The following EXOC6B variants were observed in gnomAD, a reference collection of about 807,000 sequenced individuals.
EXOC6B encodes SEC15 homolog B.
EXOC6B carries 54 observed loss-of-function variants against 113.5 expected under a neutral mutation model. That is an observed-to-expected ratio of 0.48 (90% CI 0.38 to 0.60). EXOC6B has a LOEUF of 0.60. Ranked by LOEUF, EXOC6B falls within the 20% of genes least tolerant of loss-of-function variation. The probability of loss-of-function intolerance (pLI) is 0.00; values close to 1 mark genes in which losing one functional copy is unlikely to be tolerated. For missense variants in EXOC6B, 797 were observed against 977.5 expected (o/e 0.82, Z 2.46); for synonymous variants, 357 against 339.0 (o/e 1.05, Z -0.58).
chr2:72,720,504 T>A (rs998689003), intron 5 of EXOC6B, among the ~76,000 whole-genome samples: 1 of 152,046 alleles, frequency 6.6e-6, no homozygotes, highest in African/African-American at 2.4e-5. Context: ...TGCCAACACT[T>A]TGGGAGGTCA....
intron 17 of EXOC6B, among the ~76,000 whole-genome samples, chr2:72,474,616 T>C (rs1698622470): frequency 6.6e-6 from 1 of 152,110 alleles, no homozygotes. Flanking sequence ...GGTTATATTT[T>C]TGGTATCAAT....
chr2:72,601,122 G>GTA (rs1177883658), intron 6 of EXOC6B, among the ~76,000 whole-genome samples: 6 of 99,298 alleles, frequency 6.0e-5, no homozygotes, highest in African/African-American at 2.4e-4. Context: ...ATGTGTGTGT[G>GTA]TATGTGTGTG....
intron 8 of EXOC6B, among the ~76,000 whole-genome samples, chr2:72,557,788 T>C (rs930067055): frequency 6.6e-6 from 1 of 152,108 alleles, no homozygotes; most frequent in African/African-American, 2.4e-5. Context: ...AACCTTCACA[T>C]GTATCCCCAA....
intron 1 of EXOC6B, among the ~76,000 whole-genome samples, chr2:72,811,845 C>G (rs1186403151): frequency 5.9e-5 from 9 of 152,064 alleles, no homozygotes; most frequent in African/African-American, 2.4e-5. Context: ...TAACAAAATT[C>G]ACTCTTTCAC....
intron 2 of EXOC6B, among the ~76,000 whole-genome samples, chr2:72,738,302 T>C (rs555519154): frequency 6.6e-6 from 1 of 152,312 alleles, no homozygotes; most frequent in East Asian, 1.9e-4. Flanking sequence ...TATGAGTGAC[T>C]AGAACTACCA....
At chr2:72,734,253 G>T (rs999044625) in intron 2 of EXOC6B, among the ~76,000 whole-genome samples, 1 of 152,130 alleles carries the variant, frequency 6.6e-6, no homozygotes. Context: ...AAGCCAAAAT[G>T]AAATCTGAAC....
chr2:72,750,230 T>TGTA (rs1681956551), intron 1 of EXOC6B, among the ~76,000 whole-genome samples: 1 of 151,948 alleles, frequency 6.6e-6, no homozygotes, highest in African/African-American at 2.4e-5. Flanking sequence ...CTATAAGCAA[T>TGTA]TAAGTACATG....
intron 20 of EXOC6B, among the ~76,000 whole-genome samples, chr2:72,290,087 T>C (rs1179283265): frequency 1.3e-5 from 2 of 152,168 alleles, no homozygotes; most frequent in Admixed American, 6.5e-5. Context: ...TGCTGGCATT[T>C]GGACTAGAAC....
Position 72,586,657 on chromosome 2 carries a change from C to A in EXOC6B, c.670-10989G>T, listed in dbSNP as rs192642924. Among the ~76,000 whole-genome samples the A allele has an allele frequency of 3.1e-3, 466 of 152,082 alleles. 8 individuals carry two copies. Among genetic ancestry groups the A allele is most frequent in the African/African-American group, 0.011 (444 of 41,446 alleles). ...ATCCCAGCTACTTGGAAGGCTGAGG[C>A]AGGAGAATGGCTTGAACCTGGGAGG... On this transcript the variant is annotated intron_variant, in intron 6 of 21. Coordinates refer to ENST00000272427, the MANE Select transcript of EXOC6B (RefSeq NM_015189.3).
intron 18 of EXOC6B, among the ~76,000 whole-genome samples, chr2:72,413,104 G>A (rs965305372): frequency 2.6e-5 from 4 of 151,894 alleles, no homozygotes; most frequent in African/African-American, 9.7e-5. Context: ...GACTACAGGC[G>A]CCCGCCACCA....
chr2:72,325,700 T>C (rs2104845412), intron 20 of EXOC6B, among the ~76,000 whole-genome samples: 1 of 152,102 alleles, frequency 6.6e-6, no homozygotes, highest in East Asian at 1.9e-4. Flanking sequence ...TGATTCCTGT[T>C]CTATCTTCAC....
intron 18 of EXOC6B, among the ~76,000 whole-genome samples, chr2:72,453,128 A>G (rs1697007094): frequency 6.6e-6 from 1 of 152,206 alleles, no homozygotes; most frequent in South Asian, 2.1e-4. Context: ...TTAAATCTGT[A>G]TTCCAAAAAT....
intron 6 of EXOC6B, among the ~76,000 whole-genome samples, chr2:72,701,633 A>T (rs1330795394): frequency 6.6e-6 from 1 of 152,158 alleles, no homozygotes. Flanking sequence ...TCAATAAATG[A>T]TTATCATAAG....
At chr2:72,452,664 T>G (rs1696986790) in intron 18 of EXOC6B, among the ~76,000 whole-genome samples, 1 of 152,140 alleles carries the variant, frequency 6.6e-6, no homozygotes, top group South Asian at 2.1e-4. Flanking sequence ...CATAGTATGT[T>G]TGGGAATGAT....
intron 8 of EXOC6B, among the ~76,000 whole-genome samples, chr2:72,554,441 G>A (rs1703419348): frequency 6.6e-6 from 1 of 152,184 alleles, no homozygotes; most frequent in Admixed American, 6.5e-5. Context: ...GATTATGGGG[G>A]CAGTTTCCCC....
chr2:72,448,402 T>C (rs1240837143), intron 18 of EXOC6B, among the ~76,000 whole-genome samples: 1 of 152,202 alleles, frequency 6.6e-6, no homozygotes, highest in Admixed American at 6.5e-5. Context: ...CAAAATCAAC[T>C]TATAATATAG....
rs141535202 is a variant in EXOC6B at position 72,472,591 on chromosome 2, A to C, written c.1801-7252T>G. Among the ~76,000 whole-genome samples the C allele has an allele frequency of 1.5e-3, 227 of 151,710 alleles. 1 individual carries two copies. Among genetic ancestry groups the C allele is most frequent in the African/African-American group, 5.3e-3 (221 of 41,398 alleles). ...ATAATTTTATTTGAGTCTTCACTGT[A>C]CTCTTCTTGGTTAGTCTAGCTAGTG... On this transcript the variant is annotated intron_variant, in intron 17 of 21. Coordinates refer to ENST00000272427, the MANE Select transcript of EXOC6B (RefSeq NM_015189.3).
At chr2:72,807,748 T>C (rs182837888) in intron 1 of EXOC6B, among the ~76,000 whole-genome samples, 63 of 152,078 alleles carry the variant, frequency 4.1e-4, no homozygotes, top group African/African-American at 1.5e-3. Context: ...GTCAAAACGA[T>C]TGAACTAATG....
intron 20 of EXOC6B, among the ~76,000 whole-genome samples, chr2:72,293,091 A>G (rs1685908566): frequency 6.6e-6 from 1 of 152,134 alleles, no homozygotes; most frequent in Non-Finnish European, 1.5e-5. Context: ...AACATATTTA[A>G]TTTTATAAGA....
Sources: gnomAD v4.1 joint callset for allele counts (sites outside exome capture counted in the v4.1 genomes callset) on GRCh38, gnomAD v4.1.1 for gene constraint, MANE v1.5 for transcripts, NCBI Gene and HGNC (gene_info 2026-07-23, HGNC 2026-07-21) for gene names.